Variants in LINGO2 observed in about 807,000 individuals in gnomAD.
LINGO2 encodes the protein leucine-rich repeat and immunoglobulin-like domain-containing nogo receptor-interacting protein 2.
In LINGO2, 14 loss-of-function variants were observed where a neutral mutation model predicts 30.6. That is an observed-to-expected ratio of 0.46 (90% CI 0.30 to 0.72). LINGO2 has a LOEUF of 0.72. Among genes scored for constraint, LINGO2 ranks in the 30% least tolerant of loss-of-function variants. The pLI is 0.07. For missense variants in LINGO2, 729 were observed against 751.7 expected, an observed-to-expected ratio of 0.97 and a Z score of 0.35; for synonymous variants, 317 against 288.5, an observed-to-expected ratio of 1.10 and a Z score of -1.00.
chr9:28,325,585 C>T (rs1825197481), intron 3 of LINGO2, among the ~76,000 whole-genome samples: 1 of 152,120 alleles, frequency 6.6e-6, no homozygotes, highest in Admixed American at 6.5e-5. Context: ...GAATAAGTCT[C>T]ACAGGACCTG....
chr9:27,962,507 C>G (rs1275445559), intron 5 of LINGO2, among the ~76,000 whole-genome samples: 1 of 152,124 alleles, frequency 6.6e-6, no homozygotes, highest in East Asian at 1.9e-4. Flanking sequence ...CCCCGGCAAG[C>G]CTGCTGTAGG....
intron 4 of LINGO2, among the ~76,000 whole-genome samples, chr9:28,064,888 T>C (rs1254359992): frequency 6.6e-6 from 1 of 151,858 alleles, no homozygotes; most frequent in Non-Finnish European, 1.5e-5. Flanking sequence ...GCCTAATCCC[T>C]ATAGACCTAA....
intron 5 of LINGO2, among the ~76,000 whole-genome samples, chr9:27,993,369 C>A (rs1821493339): frequency 6.6e-6 from 1 of 152,076 alleles, no homozygotes; most frequent in Non-Finnish European, 1.5e-5. Flanking sequence ...GTGTTGAAAT[C>A]CTATCTATCA....
the LINGO2 span, among the ~76,000 whole-genome samples, chr9:29,211,476 C>G: frequency 6.6e-6 from 1 of 152,126 alleles, no homozygotes. Context: ...TTTCCCAGCA[C>G]TCACTCCCCC....
chr9:27,994,823 C>T (rs1821575837), intron 5 of LINGO2, among the ~76,000 whole-genome samples: 1 of 152,096 alleles, frequency 6.6e-6, no homozygotes. Context: ...ATCACAAAAT[C>T]CCAATGCAGA....
At position 28,578,060 on chromosome 9, in the gene LINGO2, G is replaced by A. The variant is rs1291575632; in HGVS notation, c.-365+92140C>T. Among the ~76,000 whole-genome samples the A allele has an allele frequency of 7.9e-5, 12 of 152,294 alleles. No homozygotes were observed. In the South Asian group the frequency reaches 1.5e-3, roughly 18 times the overall value. On this transcript the variant is annotated intron_variant, in intron 1 of 5. Transcript: ENST00000379992. ...CAATGGTGCAGGAAAGTACTTTGGG[G>A]CAGAGTACATTCAGAAGGTGCTGAA...
At chr9:29,088,212 T>C in the LINGO2 span, among the ~76,000 whole-genome samples, 4 of 152,152 alleles carry the variant, frequency 2.6e-5, no homozygotes, top group African/African-American at 7.2e-5. Context: ...CTCACAAAGA[T>C]TGACCACACC....
At chr9:28,854,552 G>A in the LINGO2 span, among the ~76,000 whole-genome samples, 89 of 151,978 alleles carry the variant, frequency 5.9e-4, no homozygotes, top group Middle Eastern at 3.4e-3. Context: ...TTTTATGAGC[G>A]TTAATGGAAA....
the LINGO2 span, among the ~76,000 whole-genome samples, chr9:28,904,009 C>T: frequency 2.0e-5 from 3 of 151,872 alleles, no homozygotes; most frequent in Non-Finnish European, 2.9e-5. Flanking sequence ...GGAACATTGC[C>T]GATGATCAAG....
chr9:28,243,046 A>G (rs1821858019), intron 4 of LINGO2, among the ~76,000 whole-genome samples: 1 of 152,178 alleles, frequency 6.6e-6, no homozygotes, highest in South Asian at 2.1e-4. Flanking sequence ...CATTGACATC[A>G]TGAAGAAACA....
At chr9:27,977,815 A>G (rs543256734) in intron 5 of LINGO2, among the ~76,000 whole-genome samples, 35 of 152,086 alleles carry the variant, frequency 2.3e-4, no homozygotes, top group Admixed American at 1.6e-3. Context: ...AGAGAAAACA[A>G]GAAACAATTC....
chr9:28,935,920 A>G, the LINGO2 span, among the ~76,000 whole-genome samples: 1 of 152,100 alleles, frequency 6.6e-6, no homozygotes, highest in East Asian at 1.9e-4. Context: ...TGTTAGAGAA[A>G]CAAAAGAACT....
chr9:28,330,558 G>A (rs940353970), intron 3 of LINGO2, among the ~76,000 whole-genome samples: 1 of 152,094 alleles, frequency 6.6e-6, no homozygotes, highest in Non-Finnish European at 1.5e-5. Flanking sequence ...GTACATGGTA[G>A]ATGTTTACTA....
the LINGO2 span, among the ~76,000 whole-genome samples, chr9:28,986,156 C>T: frequency 6.6e-5 from 10 of 151,984 alleles, no homozygotes; most frequent in Non-Finnish European, 1.3e-4. Flanking sequence ...TGTTAAAAAT[C>T]AATTGACTGT....
the LINGO2 span, among the ~76,000 whole-genome samples, chr9:29,188,494 C>T: frequency 2.6e-5 from 4 of 152,128 alleles, no homozygotes; most frequent in Non-Finnish European, 4.4e-5. Context: ...TCCACGAAAC[C>T]GCCCCGATTT....
chr9:28,995,883 T>TG, the LINGO2 span, among the ~76,000 whole-genome samples: 4 of 85,186 alleles, frequency 4.7e-5, no homozygotes, highest in East Asian at 3.3e-4. Context: ...GGTAGGGGGA[T>TG]GGGGGAGGGA....
chr9:28,987,051 T>A, the LINGO2 span, among the ~76,000 whole-genome samples: 1 of 151,248 alleles, frequency 6.6e-6, no homozygotes, highest in South Asian at 2.1e-4. Flanking sequence ...TATTATTGTA[T>A]TTGTTTATAA....
intron 5 of LINGO2, among the ~76,000 whole-genome samples, chr9:27,963,655 A>G (rs560349276): frequency 4.0e-4 from 61 of 151,184 alleles, no homozygotes; most frequent in African/African-American, 1.4e-3. Flanking sequence ...CTGACAATCT[A>G]TAAGACTTTT....
the LINGO2 span, among the ~76,000 whole-genome samples, chr9:29,111,949 C>A: frequency 0.011 from 819 of 71,566 alleles, 11 homozygotes; most frequent in African/African-American, 0.042. Flanking sequence ...TGTATTTAAT[C>A]TTTTAAAATA....
Sources: gnomAD v4.1 joint callset for allele counts (sites outside exome capture counted in the v4.1 genomes callset) on GRCh38, gnomAD v4.1.1 for gene constraint, MANE v1.5 for transcripts, NCBI Gene and HGNC (gene_info 2026-07-23, HGNC 2026-07-21) for gene names.